The following PLPPR1 variants were observed in gnomAD, a reference collection of about 807,000 sequenced individuals.
PLPPR1 encodes the protein phospholipid phosphatase related 1.
In PLPPR1, 10 loss-of-function variants were observed where a neutral mutation model predicts 33.1. That is an observed-to-expected ratio of 0.30 (90% CI 0.19 to 0.51). PLPPR1 has a LOEUF of 0.51. PLPPR1 is among the 20% of genes least tolerant of loss of function. The pLI, the probability that PLPPR1 is intolerant of heterozygous loss-of-function variation, is 0.97. For missense variants in PLPPR1, 304 were observed against 408.1 expected, an observed-to-expected ratio of 0.74 and a Z score of 2.20; for synonymous variants, 151 against 151.0, an observed-to-expected ratio of 1.00 and a Z score of 0.00.
intron 1 of PLPPR1, among the ~76,000 whole-genome samples, chr9:101,131,252 T>C (rs1271457188): frequency 6.6e-6 from 1 of 152,094 alleles, no homozygotes. Flanking sequence ...CAGGGAGAAA[T>C]GAGATTACCT....
intron 4 of PLPPR1, among the ~76,000 whole-genome samples, chr9:101,300,200 G>T (rs987764780): frequency 5.9e-5 from 9 of 151,966 alleles, no homozygotes; most frequent in African/African-American, 2.2e-4. Context: ...CTGAGACAGG[G>T]TCTTACTCTG....
intron 1 of PLPPR1, among the ~76,000 whole-genome samples, chr9:101,166,530 A>G (rs1350306047): frequency 6.6e-6 from 1 of 152,218 alleles, no homozygotes; most frequent in African/African-American, 2.4e-5. Flanking sequence ...TTGTCCAATG[A>G]TAAGTGACAT....
At chr9:101,281,737 T>C (rs1278917841) in intron 3 of PLPPR1, among the ~76,000 whole-genome samples, 1 of 151,848 alleles carries the variant, frequency 6.6e-6, no homozygotes, top group East Asian at 1.9e-4. Context: ...AAATCAGAGA[T>C]GAGAAAGGAA....
chr9:101,160,387 A>G (rs1293222648), intron 1 of PLPPR1, among the ~76,000 whole-genome samples: 1 of 152,194 alleles, frequency 6.6e-6, no homozygotes, highest in Admixed American at 6.5e-5. Context: ...TGCCTGGCAG[A>G]TGATGTAAAG....
chr9:101,292,122 G>A lies in PLPPR1; in HGVS notation c.385+5886G>A, dbSNP rs1050219471. ...GGAGCTGATGGAGCTGCAAGCCAAG[G>A]CTCGAGAACTACGTGAAGAATGCAG... is the stretch of plus-strand genomic sequence containing the variant. On this transcript the variant is annotated intron_variant, in intron 4 of 7. Coordinates refer to ENST00000374874, the MANE Select transcript of PLPPR1 (RefSeq NM_207299.2). Among the ~76,000 whole-genome samples, 14 of 152,138 alleles carry A rather than the reference G, an allele frequency of 9.2e-5. No individual in the cohort carries two copies. In the South Asian group the frequency reaches 2.9e-3, roughly 32 times the overall value.
intron 4 of PLPPR1, among the ~76,000 whole-genome samples, chr9:101,306,793 A>G (rs781217166): frequency 6.6e-6 from 1 of 152,224 alleles, no homozygotes; most frequent in East Asian, 1.9e-4. Context: ...TTTTTAAAAC[A>G]TCTTCAAATC....
intron 2 of PLPPR1, among the ~76,000 whole-genome samples, chr9:101,266,320 G>A (rs1015234806): frequency 7.4e-5 from 11 of 148,100 alleles, no homozygotes; most frequent in Non-Finnish European, 1.0e-4. Flanking sequence ...CCCAGCTACC[G>A]GGAAAGCGGA....
intron 2 of PLPPR1, among the ~76,000 whole-genome samples, chr9:101,234,179 C>T (rs1341764): frequency 0.052 from 7,891 of 151,868 alleles, 279 homozygotes; most frequent in South Asian, 0.17. Context: ...TTATCCTTTT[C>T]CACGTGTCAT....
At chr9:101,285,423 A>G (rs1468416940) in intron 3 of PLPPR1, among the ~76,000 whole-genome samples, 1 of 152,320 alleles carries the variant, frequency 6.6e-6, no homozygotes, top group East Asian at 1.9e-4. Flanking sequence ...TCAGGGTAGG[A>G]GAAATATATC....
intron 1 of PLPPR1, among the ~76,000 whole-genome samples, chr9:101,141,752 A>G (rs527619357): frequency 3.2e-4 from 49 of 152,136 alleles, no homozygotes; most frequent in Non-Finnish European, 6.8e-4. Flanking sequence ...AGTAACTGAG[A>G]TTGGAAAACT....
chr9:101,156,266 A>G (rs996141248), intron 1 of PLPPR1, among the ~76,000 whole-genome samples: 1 of 152,028 alleles, frequency 6.6e-6, no homozygotes, highest in African/African-American at 2.4e-5. Context: ...ATAGCTGCAG[A>G]AGGCCAGGCA....
At chr9:101,265,400 T>C (rs183125543) in intron 2 of PLPPR1, among the ~76,000 whole-genome samples, 1,660 of 152,298 alleles carry the variant, frequency 0.011, 13 homozygotes, top group Non-Finnish European at 0.018. Flanking sequence ...CTTCCACCAG[T>C]ACTTGCACCC....
intron 2 of PLPPR1, among the ~76,000 whole-genome samples, chr9:101,266,570 T>G (rs1458190413): frequency 6.6e-6 from 1 of 152,146 alleles, no homozygotes; most frequent in East Asian, 1.9e-4. Context: ...CTACCACCCT[T>G]TGGGTCTCCA....
At chr9:101,256,288 T>C (rs1827801000) in intron 2 of PLPPR1, among the ~76,000 whole-genome samples, 1 of 152,190 alleles carries the variant, frequency 6.6e-6, no homozygotes, top group African/African-American at 2.4e-5. Context: ...TTTTAAAATA[T>C]TAGGTAGGTG....
At chr9:101,145,712 AAATAAG>A (rs1369037356) in intron 1 of PLPPR1, among the ~76,000 whole-genome samples, 6 of 69,858 alleles carry the variant, frequency 8.6e-5, no homozygotes, top group Non-Finnish European at 2.3e-4. Flanking sequence ...AAAAATTAAA[AAATAAG>A]AATAAGAAAA....
chr9:101,242,170 A>C (rs1827483665), intron 2 of PLPPR1, among the ~76,000 whole-genome samples: 1 of 151,754 alleles, frequency 6.6e-6, no homozygotes, highest in African/African-American at 2.4e-5. Flanking sequence ...TATGAAAATG[A>C]GTGAGTGACT....
chr9:101,157,557 TGAAAA>T (rs1167992272), intron 1 of PLPPR1, among the ~76,000 whole-genome samples: 21 of 151,914 alleles, frequency 1.4e-4, no homozygotes, highest in African/African-American at 5.1e-4. Context: ...GCATATATGG[TGAAAA>T]GAAAAGTCTG....
intron 6 of PLPPR1, among the ~76,000 whole-genome samples, chr9:101,314,200 C>G (rs1829011593): frequency 1.3e-5 from 2 of 152,212 alleles, no homozygotes; most frequent in South Asian, 4.1e-4. Flanking sequence ...GACCTCCCTC[C>G]TCCTATTCTG....
In PLPPR1 at chr9:101,312,988, C is replaced by T. The variant is rs62576949; in HGVS notation, c.813+14C>T. 4.0e-3 allele frequency: 6,439 copies of T among 1,613,118 alleles called. 26 individuals are homozygous for T. The highest frequency in any genetic ancestry group is 4.1e-3 in the Non-Finnish European group (4,857 of 1,179,178). ...GCCCTGTTTCTGGTAGGTTGACTTC[C>T]CTCTTTTTACCTTTTCCCCCTCTTC... On this transcript the variant is annotated intron_variant, in intron 6 of 7. Coordinates refer to ENST00000374874, the MANE Select transcript of PLPPR1 (RefSeq NM_207299.2).
Sources: allele counts gnomAD v4.1 joint callset (sites outside exome capture counted in the v4.1 genomes callset), GRCh38; gene constraint gnomAD v4.1.1; transcripts MANE v1.5; gene names NCBI Gene and HGNC (gene_info 2026-07-23, HGNC 2026-07-21).